Variants in MTUS2 observed in about 807,000 individuals in gnomAD.
MTUS2 encodes the protein microtubule associated scaffold protein 2, also known as microtubule-associated tumor suppressor candidate 2.
Under a neutral mutation model 114.1 loss-of-function variants are expected in MTUS2, and 40 were observed. The observed-to-expected ratio is 0.35, with a 90% CI of 0.27 to 0.46. MTUS2 has a LOEUF of 0.46. Among genes scored for constraint, MTUS2 ranks in the 20% least tolerant of loss-of-function variants. MTUS2 has a pLI of 1.00. For synonymous variants in MTUS2, 688 were observed against 672.0 expected (o/e 1.02, Z -0.37); for missense variants, 1,679 against 1,705.4 (o/e 0.98, Z 0.27).
chr13:28,948,352 G>T (rs2138162616), intron 2 of MTUS2, among the ~76,000 whole-genome samples: 1 of 152,186 alleles, frequency 6.6e-6, no homozygotes, highest in South Asian at 2.1e-4. Context: ...TAAGGCTCAG[G>T]CCCACAGGTA....
At chr13:28,898,487 A>G (rs937882587) in intron 2 of MTUS2, among the ~76,000 whole-genome samples, 13 of 152,212 alleles carry the variant, frequency 8.5e-5, no homozygotes, top group African/African-American at 2.9e-4. Flanking sequence ...CACACCGAAG[A>G]TAGCATTATT....
At chr13:29,021,436 A>G (rs1886287512) in intron 2 of MTUS2, among the ~76,000 whole-genome samples, 2 of 152,194 alleles carry the variant, frequency 1.3e-5, no homozygotes, top group Non-Finnish European at 2.9e-5. Context: ...CTAGCATGAC[A>G]TTGGTTTTAT....
Position 29,126,337 on chromosome 13 carries a change from T to TACA in MTUS2, c.2644+25368_2644+25370dup, listed in dbSNP as rs1361640701. On this transcript the variant is annotated intron_variant, in intron 5 of 15. Coordinates refer to ENST00000612955, the MANE Select transcript of MTUS2 (RefSeq NM_001033602.4). ...GAAATCTTTGTTCTCTGTGCTAACCTACAGCCGTATTTCCCATTCTTTCAT... is the reference window on the plus strand; with the variant it reads ...GAAATCTTTGTTCTCTGTGCTAACCTACAACAGCCGTATTTCCCATTCTTTCAT... Among the ~76,000 whole-genome samples the TACA allele has an allele frequency of 2.6e-5, 4 of 152,318 alleles. No individual in the cohort carries two copies. The East Asian group carries it at 7.7e-4, about 29-fold the overall frequency.
chr13:29,394,155 T>A (rs1873725107), intron 8 of MTUS2, among the ~76,000 whole-genome samples: 1 of 152,166 alleles, frequency 6.6e-6, no homozygotes, highest in Non-Finnish European at 1.5e-5. Flanking sequence ...TTAAAGAGGT[T>A]TATTCTGAGC....
At chr13:29,455,742 G>A (rs1879060461) in intron 9 of MTUS2, among the ~76,000 whole-genome samples, 1 of 152,064 alleles carries the variant, frequency 6.6e-6, no homozygotes, top group Non-Finnish European at 1.5e-5. Flanking sequence ...GCACTTTTGG[G>A]GGCCAAGGCA....
intron 8 of MTUS2, among the ~76,000 whole-genome samples, chr13:29,400,145 A>AT (rs901960814): frequency 7.9e-5 from 12 of 152,234 alleles, no homozygotes; most frequent in Admixed American, 2.0e-4. Flanking sequence ...AAATCAAGAG[A>AT]TTTTTTAGAC....
intron 2 of MTUS2, among the ~76,000 whole-genome samples, chr13:28,970,354 T>C (rs1883796366): frequency 6.6e-6 from 1 of 152,208 alleles, no homozygotes; most frequent in African/African-American, 2.4e-5. Flanking sequence ...TGAGCATCTC[T>C]AGAATAGGGG....
intron 8 of MTUS2, among the ~76,000 whole-genome samples, chr13:29,381,057 G>A (rs1016096353): frequency 2.0e-5 from 3 of 150,326 alleles, no homozygotes; most frequent in Non-Finnish European, 2.9e-5. Context: ...TGATGCTGTA[G>A]CAAGGGAAGA....
intron 4 of MTUS2, among the ~76,000 whole-genome samples, chr13:29,090,255 T>C (rs1371983384): frequency 6.6e-6 from 1 of 152,164 alleles, no homozygotes; most frequent in East Asian, 1.9e-4. Flanking sequence ...GAGACCAGGC[T>C]TTTGGTTTTG....
Position 29,324,672 on chromosome 13 carries a change from A to G in MTUS2, c.2866A>G (p.Lys956Glu), listed in dbSNP as rs1409130712. 1 of 1,599,638 alleles carries G rather than the reference A, an allele frequency of 6.3e-7. No individual in the cohort carries two copies. Among genetic ancestry groups the G allele is most frequent in the Non-Finnish European group, 8.5e-7 (1 of 1,172,764 alleles). The change falls in exon 7 of 16, where the codon AAG (lysine) becomes GAG (glutamate). Residue 956 changes from lysine to glutamate, a missense_variant. Coordinates refer to ENST00000612955, the MANE Select transcript of MTUS2 (RefSeq NM_001033602.4). ...DTNKPAVSSP[K>E]RVAASTTKLH... ...GAATAAACCTGCTGTTTCATCTCCT[A>G]AGAGAGTAGCAGCTTCAACCACCAA...
At position 29,313,902 on chromosome 13, in the gene MTUS2, CCTTAGCATTTCTGGGGGAAATGA is replaced by C. The variant is rs1411885713; in HGVS notation, c.2807-10708_2807-10686del. ...AACCCTGGAAGTTAAAAGAGAAATG[CCTTAGCATTTCTGGGGGAAATGA>C]CTGCCATGTGCCACGTTAAAATTCC... On this transcript the variant is annotated intron_variant, in intron 6 of 15. Coordinates refer to ENST00000612955, the MANE Select transcript of MTUS2 (RefSeq NM_001033602.4). Among the ~76,000 whole-genome samples the C allele has an allele frequency of 5.3e-5, 8 of 152,202 alleles. No homozygotes were observed. In the East Asian group the frequency reaches 1.5e-3, roughly 29 times the overall value.
chr13:29,102,269 CT>C, intron 5 of MTUS2, among the ~76,000 whole-genome samples: 1 of 152,204 alleles, frequency 6.6e-6, no homozygotes, highest in Middle Eastern at 3.4e-3. Context: ...AATAAAATTC[CT>C]GATGACGTGT....
At chr13:29,411,087 C>T (rs1232311838) in intron 8 of MTUS2, among the ~76,000 whole-genome samples, 1 of 152,218 alleles carries the variant, frequency 6.6e-6, no homozygotes, top group African/African-American at 2.4e-5. Context: ...CTGCATTGGC[C>T]TCCCAAAGTG....
chr13:28,832,774 T>TTAAA (rs1555265988), intron 1 of MTUS2, among the ~76,000 whole-genome samples: 2 of 149,956 alleles, frequency 1.3e-5, no homozygotes, highest in South Asian at 2.1e-4. Context: ...AGAAAAACAA[T>TTAAA]AAAATCAATA....
intron 4 of MTUS2, among the ~76,000 whole-genome samples, chr13:29,080,042 T>C (rs1293876378): frequency 6.6e-6 from 1 of 152,216 alleles, no homozygotes; most frequent in African/African-American, 2.4e-5. Context: ...GGATGCTTTC[T>C]AATTATTTAT....
intron 3 of MTUS2, among the ~76,000 whole-genome samples, chr13:29,033,166 T>G (rs76831146): frequency 1.6e-4 from 25 of 152,324 alleles, no homozygotes; most frequent in Non-Finnish European, 2.8e-4. Context: ...CTAGACATTG[T>G]TTTTGGTGCT....
At chr13:29,461,211 GGT>G (rs963808592) in intron 9 of MTUS2, among the ~76,000 whole-genome samples, 4 of 151,496 alleles carry the variant, frequency 2.6e-5, no homozygotes, top group African/African-American at 9.7e-5. Context: ...GGGAAGGGGG[GGT>G]GAACTCATTC....
At chr13:29,309,823 C>T (rs1035792987) in intron 6 of MTUS2, among the ~76,000 whole-genome samples, 1 of 151,892 alleles carries the variant, frequency 6.6e-6, no homozygotes. Flanking sequence ...GGGGTACATG[C>T]CATGTTTTGA....
Position 29,504,988 on chromosome 13 carries a change from G to A in MTUS2, c.*1782G>A, listed in dbSNP as rs1883140054. 4.3e-6 allele frequency: 1 copy of A among 232,538 alleles called. No homozygotes were observed. Among genetic ancestry groups the A allele is most frequent in the East Asian group, 6.1e-5 (1 of 16,498 alleles). The allele number at this position is 232,538 out of a possible 1,614,324, so 14.4% of individuals were successfully genotyped here. ...TAGGATGAGTCCACGCTGGGCTTCC[G>A]GGCCTCAGGTGCATCTCCAGCCAAC... On this transcript the variant is annotated 3_prime_UTR_variant, in exon 16 of 16. Coordinates refer to ENST00000612955, the MANE Select transcript of MTUS2 (RefSeq NM_001033602.4).
Sources: allele counts gnomAD v4.1 joint callset (sites outside exome capture counted in the v4.1 genomes callset), GRCh38; gene constraint gnomAD v4.1.1; transcripts MANE v1.5; gene names NCBI Gene and HGNC (gene_info 2026-07-23, HGNC 2026-07-21).